The following SGCD variants were observed in gnomAD, a reference collection of about 807,000 sequenced individuals.
SGCD encodes the protein delta-sarcoglycan.
In SGCD, 18 loss-of-function variants were observed where a neutral mutation model predicts 36.6. That is an observed-to-expected ratio of 0.49 (90% CI 0.34 to 0.73). The LOEUF (loss-of-function observed/expected upper bound fraction) is 0.73, where lower values mean the gene tolerates loss of function less well. Among genes scored for constraint, SGCD ranks in the 30% least tolerant of loss-of-function variants. SGCD has a pLI of 0.01. For synonymous variants in SGCD, 133 were observed against 130.6 expected (o/e 1.02, Z -0.12); for missense variants, 387 against 346.7 (o/e 1.12, Z -0.92).
chr5:156,153,598 G>A (rs976786990), intron 3 of SGCD, among the ~76,000 whole-genome samples: 6 of 151,756 alleles, frequency 4.0e-5, no homozygotes, highest in South Asian at 4.1e-4. Flanking sequence ...TTGGCTGATA[G>A]TCTCATTAGA....
At chr5:156,313,945 A>G (rs1294075555) in intron 3 of SGCD, among the ~76,000 whole-genome samples, 1 of 152,042 alleles carries the variant, frequency 6.6e-6, no homozygotes, top group Non-Finnish European at 1.5e-5. Context: ...TCAATTAAGT[A>G]TTTGGGTATC....
At position 156,230,216 on chromosome 5, in the gene SGCD, G is replaced by T. The variant is rs564504390; in HGVS notation, c.-43-99318G>T. The stretch of plus-strand genomic sequence containing the variant: ...TTCTTCTTGGTTTGGATCCATTGCT[G>T]GTGAGCTAGTGGTGATTTTTTGTGG... On this transcript the variant is annotated intron_variant, in intron 3 of 9. Transcript: ENST00000517913. Among the ~76,000 whole-genome samples, 6 of 152,184 alleles carry T rather than the reference G, an allele frequency of 3.9e-5. No individual in the cohort carries two copies. In the East Asian group the frequency reaches 1.2e-3, roughly 30 times the overall value.
chr5:156,499,560 A>G (rs995191583), intron 3 of SGCD, among the ~76,000 whole-genome samples: 5 of 152,216 alleles, frequency 3.3e-5, no homozygotes, highest in African/African-American at 1.2e-4. Flanking sequence ...ATCTAATCAT[A>G]ACCAAAGGAC....
intron 1 of SGCD, among the ~76,000 whole-genome samples, chr5:155,899,342 G>C (rs184287343): frequency 6.6e-6 from 1 of 152,140 alleles, no homozygotes; most frequent in Non-Finnish European, 1.5e-5. Context: ...AATAATATCC[G>C]TGTGGCAGGT....
chr5:156,673,744 A>T (rs948423849), intron 7 of SGCD, among the ~76,000 whole-genome samples: 7 of 152,230 alleles, frequency 4.6e-5, no homozygotes, highest in Non-Finnish European at 8.8e-5. Flanking sequence ...GTCACTTCAC[A>T]CTTCGTGGCA....
At chr5:156,487,913 A>G (rs1380094285) in intron 3 of SGCD, among the ~76,000 whole-genome samples, 3 of 147,510 alleles carry the variant, frequency 2.0e-5, no homozygotes, top group African/African-American at 4.9e-5. Context: ...AAAAAATACA[A>G]AGAATTCAGA....
chr5:156,113,839 A>AT (rs1231524602), intron 1 of SGCD, among the ~76,000 whole-genome samples: 1 of 152,130 alleles, frequency 6.6e-6, no homozygotes, highest in Non-Finnish European at 1.5e-5. Context: ...CTAAGAAGAA[A>AT]TTTTTATCAA....
intron 3 of SGCD, among the ~76,000 whole-genome samples, chr5:156,356,832 C>T (rs962075267): frequency 6.6e-6 from 1 of 152,040 alleles, no homozygotes; most frequent in African/African-American, 2.4e-5. Flanking sequence ...AACGATGAGG[C>T]AGAGGAAAAT....
chr5:156,735,620 T>G (rs1756316974), intron 7 of SGCD, among the ~76,000 whole-genome samples: 1 of 152,118 alleles, frequency 6.6e-6, no homozygotes, highest in Admixed American at 6.5e-5. Context: ...AGCCTGCCCC[T>G]CCCCTCAGGA....
intron 3 of SGCD, among the ~76,000 whole-genome samples, chr5:156,161,108 A>G (rs1266830523): frequency 6.6e-6 from 1 of 151,756 alleles, no homozygotes; most frequent in Admixed American, 6.6e-5. Flanking sequence ...CTTTTTACTT[A>G]CAAGTGTCTA....
intron 6 of SGCD, among the ~76,000 whole-genome samples, chr5:156,628,791 G>T (rs1368925938): frequency 6.6e-6 from 1 of 152,134 alleles, no homozygotes; most frequent in African/African-American, 2.4e-5. Flanking sequence ...GGAGGGGATG[G>T]GTGTCTGTGT....
chr5:156,018,238 G>T (rs1057030992), intron 1 of SGCD, among the ~76,000 whole-genome samples: 3 of 152,092 alleles, frequency 2.0e-5, no homozygotes, highest in African/African-American at 4.8e-5. Flanking sequence ...TTGTGATAGT[G>T]GAAAATTCTC....
At chr5:155,983,306 A>G (rs991427133) in intron 1 of SGCD, among the ~76,000 whole-genome samples, 2 of 152,160 alleles carry the variant, frequency 1.3e-5, no homozygotes, top group East Asian at 3.9e-4. Context: ...GCTCAAACGC[A>G]GGGCTCTTGG....
chr5:156,042,013 G>C (rs894256132), intron 1 of SGCD, among the ~76,000 whole-genome samples: 30 of 152,100 alleles, frequency 2.0e-4, no homozygotes, highest in African/African-American at 7.0e-4. Context: ...TAGTGACCAG[G>C]CTGGCACATG....
intron 6 of SGCD, among the ~76,000 whole-genome samples, chr5:156,612,256 A>G (rs890189550): frequency 1.3e-5 from 2 of 152,092 alleles, no homozygotes; most frequent in Non-Finnish European, 2.9e-5. Context: ...GAGTCCTATG[A>G]TGTTTGTTGA....
intron 1 of SGCD, among the ~76,000 whole-genome samples, chr5:156,032,037 T>C (rs1175398207): frequency 6.6e-6 from 1 of 152,222 alleles, no homozygotes; most frequent in East Asian, 1.9e-4. Context: ...TGAGAATCGC[T>C]GCTTACATAT....
chr5:156,364,879 G>C (rs935843082), intron 3 of SGCD, among the ~76,000 whole-genome samples: 1 of 152,148 alleles, frequency 6.6e-6, no homozygotes, highest in African/African-American at 2.4e-5. Context: ...GGACATTTGA[G>C]TTATGGTCTG....
chr5:156,155,825 G>A (rs1034412782), intron 3 of SGCD, among the ~76,000 whole-genome samples: 2 of 151,566 alleles, frequency 1.3e-5, no homozygotes, highest in African/African-American at 4.9e-5. Context: ...TCCTGCCAAG[G>A]CTAGTTTCTC....
intron 1 of SGCD, among the ~76,000 whole-genome samples, chr5:156,094,797 T>C (rs1445860323): frequency 2.6e-5 from 4 of 152,072 alleles, no homozygotes; most frequent in Admixed American, 2.0e-4. Flanking sequence ...GGTCAAGAGA[T>C]CGAGACCATC....
Sources: gnomAD v4.1 joint callset for allele counts (sites outside exome capture counted in the v4.1 genomes callset) on GRCh38, gnomAD v4.1.1 for gene constraint, MANE v1.5 for transcripts, NCBI Gene and HGNC (gene_info 2026-07-23, HGNC 2026-07-21) for gene names.